The following ARL15 variants were observed in gnomAD, a reference collection of about 807,000 sequenced individuals.
ARL15 encodes ARF like GTPase 15.
A neutral mutation model predicts 25.2 loss-of-function variants in ARL15; 19 were observed. The observed-to-expected ratio is 0.75, with a 90% CI of 0.53 to 1.10. The LOEUF (loss-of-function observed/expected upper bound fraction) is 1.10, where lower values mean the gene tolerates loss of function less well. Ranked by LOEUF, ARL15 falls within the 50% of genes least tolerant of loss-of-function variation. The probability of loss-of-function intolerance (pLI) is 0.00; values close to 1 mark genes in which losing one functional copy is unlikely to be tolerated. For synonymous variants in ARL15, 94 were observed against 86.8 expected (o/e 1.08, Z -0.46); for missense variants, 220 against 246.0 (o/e 0.89, Z 0.71).
rs1412859315 is a variant in ARL15 at position 53,885,896 on chromosome 5, A to G, written c.*665T>C. ...TCTAACCACTCTCAGAAACTGAAAC[A>G]ATGTCTTTGCTCTTAAAAGAGAAGA... is the stretch of plus-strand genomic sequence containing the variant. On this transcript the variant is annotated 3_prime_UTR_variant, in exon 5 of 5. Transcript: ENST00000504924. 4 of 152,090 alleles carry G rather than the reference A, an allele frequency of 2.6e-5. No homozygotes were observed. The highest frequency in any genetic ancestry group is 5.9e-5 in the Non-Finnish European group (4 of 68,018). The allele number at this position is 152,090 out of a possible 1,614,324, so 9.4% of individuals were successfully genotyped here.
chr5:54,100,051 T>C (rs1444863012), intron 4 of ARL15, among the ~76,000 whole-genome samples: 1 of 152,138 alleles, frequency 6.6e-6, no homozygotes, highest in Non-Finnish European at 1.5e-5. Flanking sequence ...TGCTTGCATA[T>C]ACAAGGAGAC....
In ARL15 at chr5:53,992,994, C is replaced by T. The variant is rs978932256; in HGVS notation, c.463-106281G>A. On this transcript the variant is annotated intron_variant, in intron 4 of 4. Transcript: ENST00000504924. ...CCGGGAGGTGGAAGTTGCTGTGAGCCAAGATGGCGCCATTGCACTCTGGCC... is the reference window on the plus strand; with the variant it reads ...CCGGGAGGTGGAAGTTGCTGTGAGCTAAGATGGCGCCATTGCACTCTGGCC... Among the ~76,000 whole-genome samples, 38 of 150,628 alleles carry T rather than the reference C, an allele frequency of 2.5e-4. 1 individual carries two copies. Among genetic ancestry groups the T allele is most frequent in the African/African-American group, 8.8e-4 (36 of 40,792 alleles).
At chr5:54,133,068 G>A (rs1753485446) in intron 3 of ARL15, among the ~76,000 whole-genome samples, 1 of 152,136 alleles carries the variant, frequency 6.6e-6, no homozygotes, top group South Asian at 2.1e-4. Flanking sequence ...TGTATCAAGA[G>A]CCTTACGATG....
intron 4 of ARL15, among the ~76,000 whole-genome samples, chr5:53,979,587 T>C (rs1391499717): frequency 6.6e-6 from 1 of 152,060 alleles, no homozygotes; most frequent in South Asian, 2.1e-4. Context: ...AATCTCATAC[T>C]ATAGCAACCT....
intron 1 of ARL15, among the ~76,000 whole-genome samples, chr5:54,186,752 G>A (rs1755251570): frequency 6.6e-6 from 1 of 151,810 alleles, no homozygotes; most frequent in Admixed American, 6.6e-5. Context: ...TGAATTTATA[G>A]CCCAAATTAC....
chr5:54,010,999 CAA>C (rs550633292), intron 4 of ARL15, among the ~76,000 whole-genome samples: 50 of 101,604 alleles, frequency 4.9e-4, no homozygotes, highest in South Asian at 1.6e-3. Context: ...GGCTCCGTCT[CAA>C]AAAAAAAAAA....
chr5:54,030,744 T>C (rs1749954248), intron 4 of ARL15, among the ~76,000 whole-genome samples: 1 of 152,156 alleles, frequency 6.6e-6, no homozygotes, highest in Non-Finnish European at 1.5e-5. Flanking sequence ...TCAGCAGAGA[T>C]GTGCCATGAT....
intron 4 of ARL15, among the ~76,000 whole-genome samples, chr5:54,001,034 T>A (rs1228979637): frequency 1.3e-5 from 2 of 152,196 alleles, no homozygotes; most frequent in Admixed American, 6.5e-5. Context: ...GTAAGTGAAG[T>A]CGGATGAGCA....
intron 2 of ARL15, among the ~76,000 whole-genome samples, chr5:54,169,708 T>G (rs1208953147): frequency 2.0e-5 from 3 of 152,084 alleles, no homozygotes; most frequent in Non-Finnish European, 4.4e-5. Flanking sequence ...TAACCCAAGA[T>G]GGGGAGATGG....
At position 54,288,404 on chromosome 5, in the gene ARL15, T is replaced by A. The variant is rs559083063; in HGVS notation, c.48+22028A>T. Among the ~76,000 whole-genome samples, 123 of 152,334 alleles carry A rather than the reference T, an allele frequency of 8.1e-4. 1 individual carries two copies. The highest frequency in any genetic ancestry group is 2.9e-3 in the African/African-American group (119 of 41,580). The stretch of plus-strand genomic sequence containing the variant: ...CTGGCACTAATTTTGGACCATAAGC[T>A]TAAAGTCTACATATAGTGGGCAGAA... On this transcript the variant is annotated intron_variant, in intron 1 of 4. Transcript: ENST00000504924.
chr5:54,060,720 T>A (rs1211742147), intron 4 of ARL15, among the ~76,000 whole-genome samples: 1 of 152,060 alleles, frequency 6.6e-6, no homozygotes. Context: ...TACCTGAAAA[T>A]GTGGAAGGTG....
rs181103306 is a variant in ARL15 at position 53,923,782 on chromosome 5, A to G, written c.463-37069T>C. Among the ~76,000 whole-genome samples, 642 of 152,208 alleles carry G rather than the reference A, an allele frequency of 4.2e-3. 3 individuals carry two copies. The highest frequency in any genetic ancestry group is 0.01 in the African/African-American group (430 of 41,546). ...CGGGAGGCTGAGGCAGGAGAATGGC[A>G]TGAACCCAGGAGGCGGAGTTTGCAG... On this transcript the variant is annotated intron_variant, in intron 4 of 4. Transcript: ENST00000504924.
intron 4 of ARL15, among the ~76,000 whole-genome samples, chr5:54,088,548 T>C (rs912601757): frequency 1.3e-5 from 2 of 152,196 alleles, no homozygotes; most frequent in Non-Finnish European, 2.9e-5. Context: ...TAGATTAACC[T>C]GATGAAACAA....
intron 4 of ARL15, among the ~76,000 whole-genome samples, chr5:53,899,347 CAAAA>C (rs59145507): frequency 9.0e-5 from 8 of 89,384 alleles, no homozygotes; most frequent in African/African-American, 4.4e-4. Flanking sequence ...GACTCTATCC[CAAAA>C]AAAAAAAAAA....
At chr5:54,030,256 T>A (rs1278879087) in intron 4 of ARL15, among the ~76,000 whole-genome samples, 1 of 152,140 alleles carries the variant, frequency 6.6e-6, no homozygotes, top group Non-Finnish European at 1.5e-5. Context: ...GCAGCAGTTA[T>A]GTATAAGACA....
At chr5:54,140,467 G>GATAA (rs925844849) in intron 3 of ARL15, among the ~76,000 whole-genome samples, 5 of 139,358 alleles carry the variant, frequency 3.6e-5, no homozygotes, top group African/African-American at 1.3e-4. Flanking sequence ...TAGATAGATA[G>GATAA]AGATAGAGAT....
chr5:54,265,859 G>A (rs142577202), intron 1 of ARL15, among the ~76,000 whole-genome samples: 101 of 152,250 alleles, frequency 6.6e-4, no homozygotes, highest in Middle Eastern at 3.4e-3. Context: ...TGACACTTAC[G>A]AAGCAGTTAC....
At chr5:54,094,814 T>A (rs1752236177) in intron 4 of ARL15, among the ~76,000 whole-genome samples, 1 of 152,146 alleles carries the variant, frequency 6.6e-6, no homozygotes. Flanking sequence ...TGACAAGTAT[T>A]TATGAGCATC....
At chr5:54,075,572 C>T (rs1007497051) in intron 4 of ARL15, 17 of 152,656 alleles carry the variant, frequency 1.1e-4, no homozygotes, top group African/African-American at 3.9e-4. Context: ...CCACCTCCTC[C>T]GCCTCCTGGG....
Sources: gnomAD v4.1 joint callset for allele counts (sites outside exome capture counted in the v4.1 genomes callset) on GRCh38, gnomAD v4.1.1 for gene constraint, MANE v1.5 for transcripts, NCBI Gene and HGNC (gene_info 2026-07-23, HGNC 2026-07-21) for gene names.